Variants in PPRC1 observed in about 807,000 individuals in gnomAD.
PPRC1 encodes the protein PPARG related coactivator 1.
PPRC1 carries 23 observed loss-of-function variants against 132.5 expected under a neutral mutation model. The ratio of observed to expected loss-of-function variants is 0.17; its 90% CI spans 0.12 to 0.25. The LOEUF (loss-of-function observed/expected upper bound fraction) is 0.25, where lower values mean the gene tolerates loss of function less well. PPRC1 is among the 10% of genes least tolerant of loss of function. PPRC1 has a pLI of 1.00. For synonymous variants in PPRC1, 872 were observed against 833.5 expected, an observed-to-expected ratio of 1.05 and a Z score of -0.80; for missense variants, 2,006 against 2,089.1, an observed-to-expected ratio of 0.96 and a Z score of 0.78.
chr10:102,146,313 G>A (rs149816650), intron 8 of PPRC1, among the ~76,000 whole-genome samples: 1 of 152,322 alleles, frequency 6.6e-6, no homozygotes, highest in African/African-American at 2.4e-5. Flanking sequence ...CAAGTGGGGA[G>A]ACGATAGATG....
Position 102,138,736 on chromosome 10 carries a change from C to G in PPRC1, c.460C>G (p.Leu154Val), listed in dbSNP as rs772548535. Residue 154 changes from leucine to valine, a missense_variant, in exon 3 of 14, where the codon CTG becomes GTG. Physicochemically the swap from Leu to Val is conservative, Grantham distance 32 (BLOSUM62 1). This residue lies in a region of PPRC1 where 1,914 missense variants were observed against 1,917.2 expected (regional missense o/e 1.00). Coordinates refer to ENST00000278070, the MANE Select transcript of PPRC1 (RefSeq NM_015062.5). ...ATTTGACAGCATTCCTGATTCGGAG[C>G]TGCTTGTGTCACCCCGGGAGGGCTC... ...SPFDSIPDSELLVSPREGSSL... is the reference protein window; with the variant it reads ...SPFDSIPDSEVLVSPREGSSL... 9 of 1,614,070 alleles carry G rather than the reference C, an allele frequency of 5.6e-6. No homozygotes were observed.
In PPRC1 at chr10:102,146,706, A is replaced by G; in HGVS notation, c.3714A>G (p.Leu1238=). ...LTPPATPPHQ[L]WKPLAAVSLL... is the part of the protein sequence containing the mutation. Reference sequence around the variant, plus strand: ...CTCCAGCTACCCCTCCCCACCAGTTATGGAAGCCCCTGGCTGCTGTCTCAC... The same window carrying G: ...CTCCAGCTACCCCTCCCCACCAGTTGTGGAAGCCCCTGGCTGCTGTCTCAC... The change falls in exon 9 of 14, where the codon TTA becomes TTG. Residue 1238 remains leucine, a synonymous_variant. Transcript: ENST00000278070. The G allele has an allele frequency of 6.2e-7, 1 of 1,612,944 alleles. No homozygotes were observed.
chr10:102,128,895 T>C (rs2068501403), upstream of PPRC1, among the ~76,000 whole-genome samples: 2 of 145,628 alleles, frequency 1.4e-5, no homozygotes, highest in African/African-American at 5.1e-5. Context: ...ATTACAGGCC[T>C]GAGCCACCAT....
upstream of PPRC1, among the ~76,000 whole-genome samples, chr10:102,131,193 CAAAA>C (rs1175316312): frequency 3.7e-5 from 3 of 80,706 alleles, no homozygotes; most frequent in East Asian, 3.4e-4. Context: ...CACTCCATCT[CAAAA>C]AAAAAAAAAA....
At position 102,148,993 on chromosome 10, in the gene PPRC1, G is replaced by A; in HGVS notation, c.4739+55G>A. On this transcript the variant is annotated intron_variant, in intron 12 of 13. Transcript: ENST00000278070. This position sits in a 1 kb window ranked among gnomAD's most constrained non-coding sequence, Gnocchi z 4.2. ...CTTTCTATCCCATTCATCTACCTTG[G>A]TGTTTCTTTGTCTTGCCTCCTTGCT... 1 of 1,598,246 alleles carries A rather than the reference G, an allele frequency of 6.3e-7. No homozygotes were observed. Among genetic ancestry groups the A allele is most frequent in the Non-Finnish European group, 8.5e-7 (1 of 1,172,428 alleles).
chr10:102,140,353 T>C lies in PPRC1; in HGVS notation c.1845T>C (p.Ala615=). 1 of 1,614,178 alleles carries C rather than the reference T, an allele frequency of 6.2e-7. No homozygotes were observed. The change falls in exon 5 of 14, where the codon GCT becomes GCC. Residue 615 remains alanine, a synonymous_variant. Transcript: ENST00000278070. ...VPVDPGLVDL[A]STSSELVEPL... Reference sequence around the variant, plus strand: ...TTGACCCTGGGTTGGTTGACCTTGCTTCAACCAGCTCAGAACTGGTTGAGC... The same window carrying C: ...TTGACCCTGGGTTGGTTGACCTTGCCTCAACCAGCTCAGAACTGGTTGAGC...
chr10:102,126,780 T>A, the PPRC1 span, among the ~76,000 whole-genome samples: 1 of 151,996 alleles, frequency 6.6e-6, no homozygotes, highest in Non-Finnish European at 1.5e-5. Flanking sequence ...CTGTAACTTT[T>A]GTTGAATGAT....
Position 102,146,813 on chromosome 10 carries a change from C to G in PPRC1, c.3821C>G (p.Pro1274Arg). Residue 1274 changes from proline (P) to arginine (R), a missense_variant, in exon 9 of 14, where the codon CCA becomes CGA. Pro to Arg is a moderately radical substitution (Grantham distance 103). Around this residue, in one of 2 missense-constraint regions of PPRC1, gnomAD observed 1,914 missense variants for 1,917.2 expected, o/e 1.00. Coordinates refer to ENST00000278070, the MANE Select transcript of PPRC1 (RefSeq NM_015062.5). Reference protein sequence around the residue: ...KPEGVTEAKHPAAVRLQEGVH... With the variant: ...KPEGVTEAKHRAAVRLQEGVH... ...GAAGGAGTTACGGAGGCCAAACATC[C>G]AGCTGCAGTTCGCCTCCAAGAAGGG... 1 of 1,614,124 alleles carries G rather than the reference C, an allele frequency of 6.2e-7. No individual in the cohort carries two copies. The highest frequency in any genetic ancestry group is 8.5e-7 in the Non-Finnish European group (1 of 1,180,006).
In PPRC1 at chr10:102,140,619, G is replaced by T; in HGVS notation, c.2111G>T (p.Gly704Val). Residue 704 changes from glycine (G) to valine (V), a missense_variant, in exon 5 of 14, where the codon GGT (glycine) becomes GTT (valine). Gly to Val is a moderately radical substitution (Grantham distance 109, BLOSUM62 -3). Around this residue, in one of 2 missense-constraint regions of PPRC1, gnomAD observed 1,914 missense variants for 1,917.2 expected, o/e 1.00. Coordinates refer to ENST00000278070, the MANE Select transcript of PPRC1 (RefSeq NM_015062.5). The stretch of plus-strand genomic sequence containing the variant: ...GGTGCAGTGTCATCAGCCCTGGGGG[G>T]TTCAGCACCCCAGCTCCTCGTGGAG... The part of the protein sequence containing the change: ...RRGAVSSALG[G>V]SAPQLLVESE... 6.2e-7 allele frequency: 1 copy of T among 1,614,042 alleles called. No individual in the cohort carries two copies. The highest frequency in any genetic ancestry group is 8.5e-7 in the Non-Finnish European group (1 of 1,180,028).
intron 1 of PPRC1, among the ~76,000 whole-genome samples, chr10:102,133,773 G>A (rs1470254911): frequency 6.6e-6 from 1 of 151,906 alleles, no homozygotes; most frequent in Non-Finnish European, 1.5e-5. Flanking sequence ...CCTGGCTGAC[G>A]CGAACTGGGT....
rs2069074945 is a variant in PPRC1, at chr10:102,143,250, G to A, written c.3550+152G>A. On this transcript the variant is annotated intron_variant, in intron 6 of 13. Coordinates refer to ENST00000278070, the MANE Select transcript of PPRC1 (RefSeq NM_015062.5). ...GAAGAGAGAGACAAGATTGAACTGT[G>A]ACGGTAATCCAAGCCAGGGACGGCA... The A allele has an allele frequency of 4.3e-5, 30 of 704,022 alleles. No individual in the cohort carries two copies. The South Asian group carries it at 5.6e-4, about 13-fold the overall frequency. 43.6% of individuals were successfully genotyped at this position (704,022 alleles called of 1,614,324 possible). A position where few individuals can be genotyped will look rare whatever the true frequency, so the allele number is the denominator to read the frequency against.
chr10:102,133,404 C>T (rs1450010081), intron 1 of PPRC1, among the ~76,000 whole-genome samples, 183 bp downstream of exon 1: 2 of 152,072 alleles, frequency 1.3e-5, no homozygotes, highest in Non-Finnish European at 2.9e-5. Flanking sequence ...GGCAGCGTCT[C>T]TACGGCCATT....
At chr10:102,121,200 A>C in the PPRC1 span, among the ~76,000 whole-genome samples, 1 of 151,938 alleles carries the variant, frequency 6.6e-6, no homozygotes, top group Admixed American at 6.6e-5. Context: ...ATAGGAGGCC[A>C]TCCTTCCTTC....
upstream of PPRC1, chr10:102,132,881 G>A (rs2068571104): frequency 7.4e-6 from 6 of 808,236 alleles, no homozygotes; most frequent in Non-Finnish European, 1.0e-5. Context: ...CACTTAAAGG[G>A]ACTACTACTC....
chr10:102,136,569 C>T (rs1255506166), intron 1 of PPRC1, among the ~76,000 whole-genome samples: 1 of 152,114 alleles, frequency 6.6e-6, no homozygotes, highest in Non-Finnish European at 1.5e-5. Flanking sequence ...AGAGAGCCCA[C>T]ATTCGCATAA....
At chr10:102,125,117 G>C in the PPRC1 span, among the ~76,000 whole-genome samples, 3 of 151,974 alleles carry the variant, frequency 2.0e-5, no homozygotes, top group African/African-American at 7.3e-5. Flanking sequence ...TTTTGAGACA[G>C]AGTCTCGCTC....
At chr10:102,145,587 G>A (rs112384087) in intron 8 of PPRC1, among the ~76,000 whole-genome samples, 13,642 of 148,142 alleles carry the variant, frequency 0.092, 1,545 homozygotes, top group African/African-American at 0.28. Context: ...AAAAAATGTC[G>A]GGCGCGGTGG....
Position 102,146,810 on chromosome 10 carries a change from A to G in PPRC1, c.3818A>G (p.His1273Arg). The change falls in exon 9 of 14, where the codon CAT becomes CGT. Residue 1273 changes from histidine (H) to arginine (R), a missense_variant. Physicochemically the swap from His to Arg is conservative, Grantham distance 29. Transcript: ENST00000278070. The part of the protein sequence containing the change: ...LKPEGVTEAK[H>R]PAAVRLQEGV... ...CCTGAAGGAGTTACGGAGGCCAAAC[A>G]TCCAGCTGCAGTTCGCCTCCAAGAA... 1 of 1,614,024 alleles carries G rather than the reference A, an allele frequency of 6.2e-7. No homozygotes were observed. The highest frequency in any genetic ancestry group is 1.1e-5 in the South Asian group (1 of 91,078).
chr10:102,149,678 G>A (rs1286506951), intron 13 of PPRC1, among the ~76,000 whole-genome samples: 2 of 149,238 alleles, frequency 1.3e-5, no homozygotes, highest in Non-Finnish European at 3.0e-5. Flanking sequence ...GTTGCAGTGA[G>A]CTGACATCAC....
Sources: gnomAD v4.1 joint callset for allele counts (sites outside exome capture counted in the v4.1 genomes callset) on GRCh38, gnomAD v4.1.1 for gene constraint, gnomAD v4.1.1 regional missense constraint, Gnocchi (gnomAD v3.1) non-coding constraint, MANE v1.5 for transcripts, NCBI Gene and HGNC (gene_info 2026-07-23, HGNC 2026-07-21) for gene names.